Variants in PISD observed in about 807,000 individuals in gnomAD.
PISD encodes the protein phosphatidylserine decarboxylase.
PISD carries 31 observed loss-of-function variants against 43.5 expected under a neutral mutation model. That is an observed-to-expected ratio of 0.71 (90% CI 0.54 to 0.96). The LOEUF (loss-of-function observed/expected upper bound fraction) is 0.96. Among genes scored for constraint, PISD ranks in the 40% least tolerant of loss-of-function variants. The pLI is 0.00. For missense variants in PISD, 523 were observed against 548.4 expected, an observed-to-expected ratio of 0.95 and a Z score of 0.46; for synonymous variants, 259 against 228.7, an observed-to-expected ratio of 1.13 and a Z score of -1.20.
At chr22:31,634,695 A>G (rs1347139283) in intron 3 of PISD, among the ~76,000 whole-genome samples, 2 of 151,244 alleles carry the variant, frequency 1.3e-5, no homozygotes, top group South Asian at 2.1e-4. Context: ...AAAATTAGCC[A>G]GGTGTGGTGG....
At chr22:31,626,533 A>AC (rs2072918115) in intron 3 of PISD, among the ~76,000 whole-genome samples, 1 of 151,678 alleles carries the variant, frequency 6.6e-6, no homozygotes, top group South Asian at 2.1e-4. Context: ...TTGACCCCCC[A>AC]CCAACACACA....
intron 1 of PISD, among the ~76,000 whole-genome samples, chr22:31,658,178 T>A (rs537636455): frequency 6.6e-6 from 1 of 152,180 alleles, no homozygotes; most frequent in South Asian, 2.1e-4. Context: ...AATGGATGGG[T>A]TCAAACAGAT....
intron 1 of PISD, among the ~76,000 whole-genome samples, chr22:31,651,272 G>A (rs985308130): frequency 6.6e-6 from 1 of 152,022 alleles, no homozygotes; most frequent in Non-Finnish European, 1.5e-5. Flanking sequence ...CCTAGAAAAG[G>A]GCTTAAAAGC....
intron 7 of PISD, 134 bp downstream of exon 7, chr22:31,620,419 C>A: frequency 1.2e-6 from 1 of 838,962 alleles, no homozygotes; most frequent in South Asian, 1.8e-5. Context: ...GACAGCTGCT[C>A]AGCAGAGCCA....
At chr22:31,652,451 T>A (rs909216158) in intron 1 of PISD, among the ~76,000 whole-genome samples, 1 of 152,046 alleles carries the variant, frequency 6.6e-6, no homozygotes, top group Non-Finnish European at 1.5e-5. Flanking sequence ...CTTGTATAGA[T>A]ATCCTACAAA....
intron 1 of PISD, among the ~76,000 whole-genome samples, chr22:31,659,843 A>C (rs2074272407): frequency 6.6e-6 from 1 of 152,044 alleles, no homozygotes; most frequent in African/African-American, 2.4e-5. Context: ...TGGCCTCCCA[A>C]AGTGCTGGGA....
intron 3 of PISD, among the ~76,000 whole-genome samples, chr22:31,631,476 G>A (rs796849709): frequency 4.6e-5 from 7 of 152,298 alleles, no homozygotes; most frequent in African/African-American, 1.7e-4. Context: ...GTAGACCAGC[G>A]AACAAGGGCA....
chr22:31,629,403 G>T, intron 3 of PISD: 1 of 160,932 alleles, frequency 6.2e-6, no homozygotes, highest in Non-Finnish European at 1.3e-5. Context: ...GCGTATAGGT[G>T]GTGTGTGCGT....
intron 1 of PISD, among the ~76,000 whole-genome samples, chr22:31,654,129 A>G (rs1601447707): frequency 6.6e-6 from 1 of 152,276 alleles, no homozygotes; most frequent in South Asian, 2.1e-4. Context: ...AAGGTCACCA[A>G]CAACCTGCAT....
chr22:31,647,333 G>A (rs560364607), intron 3 of PISD, among the ~76,000 whole-genome samples: 9 of 152,196 alleles, frequency 5.9e-5, no homozygotes, highest in Non-Finnish European at 1.2e-4. Flanking sequence ...CCCAGTCACC[G>A]TATGTCCTAT....
chr22:31,639,150 C>T (rs2073613610), intron 3 of PISD, among the ~76,000 whole-genome samples: 1 of 151,570 alleles, frequency 6.6e-6, no homozygotes, highest in Admixed American at 6.6e-5. Context: ...CACACACCAC[C>T]ACCCCTGGCT....
chr22:31,659,074 G>A (rs1205555460), intron 1 of PISD, among the ~76,000 whole-genome samples: 1 of 151,942 alleles, frequency 6.6e-6, no homozygotes, highest in East Asian at 1.9e-4. Context: ...GGCTGGTCTT[G>A]AACTCCTGAG....
intron 3 of PISD, among the ~76,000 whole-genome samples, chr22:31,640,575 G>GTTTTTTTTT (rs759964791): frequency 3.8e-4 from 35 of 91,270 alleles, no homozygotes; most frequent in African/African-American, 5.4e-4. Context: ...CGGTTTGGTT[G>GTTTTTTTTT]TTTTTTTTTT....
At position 31,630,533 on chromosome 22, in the gene PISD, A is replaced by C; in HGVS notation, c.322-8648T>G. 2 of 174,214 alleles carry C rather than the reference A, an allele frequency of 1.1e-5. No homozygotes were observed. Among genetic ancestry groups the C allele is most frequent in the Non-Finnish European group, 2.3e-5 (2 of 88,240 alleles). The allele number at this position is 174,214 out of a possible 1,614,324, so 10.8% of individuals were successfully genotyped here. A position where few individuals can be genotyped will look rare whatever the true frequency, so the allele number is the denominator to read the frequency against. On this transcript the variant is annotated intron_variant, in intron 3 of 7. Coordinates refer to ENST00000439502, the MANE Select transcript of PISD (RefSeq NM_001326411.2). This position sits in a 1 kb window ranked among gnomAD's most constrained non-coding sequence, Gnocchi z 4.4. The stretch of plus-strand genomic sequence containing the variant: ...TTCACTTCCCGTACCCGCGCCCGGC[A>C]GGAGATAAGATGTGGAGGAAGTGAG...
At chr22:31,645,064 T>C (rs2073844822) in intron 3 of PISD, among the ~76,000 whole-genome samples, 2 of 151,800 alleles carry the variant, frequency 1.3e-5, no homozygotes, top group Non-Finnish European at 2.9e-5. Context: ...GAGCTTGCAG[T>C]GAGCCGAGAT....
intron 3 of PISD, among the ~76,000 whole-genome samples, chr22:31,635,248 T>C (rs1382381496): frequency 6.6e-6 from 1 of 152,218 alleles, no homozygotes; most frequent in East Asian, 1.9e-4. Context: ...GCAGGTATCT[T>C]GAGTCGGCCA....
intron 1 of PISD, among the ~76,000 whole-genome samples, chr22:31,652,120 G>A (rs547595474): frequency 6.1e-4 from 92 of 151,878 alleles, no homozygotes; most frequent in African/African-American, 2.1e-3. Flanking sequence ...TTACTTTCGT[G>A]GATATTTAGT....
chr22:31,619,878 A>G (rs1163886074), intron 7 of PISD, 42 bp from the exon 8 acceptor site: 1 of 1,322,314 alleles, frequency 7.6e-7, no homozygotes, highest in Non-Finnish European at 1.1e-6. Context: ...CAGGCCACCA[A>G]GTGCACAGTG....
chr22:31,621,094 T>G lies in PISD; in HGVS notation c.746A>C (p.Asn249Thr). 6.2e-7 allele frequency: 1 copy of G among 1,614,138 alleles called. No homozygotes were observed. Among genetic ancestry groups the G allele is most frequent in the Non-Finnish European group, 8.5e-7 (1 of 1,179,984 alleles). ...GTAGATGACACAGTGATAGAGCTCA[T>G]TCCCTTCCCGGGTGACCAGCTGGTT... ...FKNQLVTREG[N>T]ELYHCVIYLA... The change falls in exon 6 of 8, where the codon AAT becomes ACT. Residue 249 changes from asparagine to threonine, a missense_variant. Coordinates refer to ENST00000439502, the MANE Select transcript of PISD (RefSeq NM_001326411.2).
Sources: allele counts gnomAD v4.1 joint callset (sites outside exome capture counted in the v4.1 genomes callset), GRCh38; gene constraint gnomAD v4.1.1; non-coding constraint Gnocchi (gnomAD v3.1); transcripts MANE v1.5; gene names NCBI Gene and HGNC (gene_info 2026-07-23, HGNC 2026-07-21).